Variants in UBE4B observed in about 807,000 individuals in gnomAD.
UBE4B encodes the protein ubiquitin conjugation factor E4 B.
In UBE4B, 27 loss-of-function variants were observed where a neutral mutation model predicts 148.1. The observed-to-expected ratio is 0.18, with a 90% confidence interval of 0.13 to 0.25. The LOEUF (loss-of-function observed/expected upper bound fraction) is 0.25. Ranked by LOEUF, UBE4B falls within the 10% of genes least tolerant of loss-of-function variation. The pLI, the probability that UBE4B is intolerant of heterozygous loss-of-function variation, is 1.00. For synonymous variants in UBE4B, 596 were observed against 619.3 expected (o/e 0.96, Z 0.56); for missense variants, 1,170 against 1,662.4 (o/e 0.70, Z 5.15).
Position 10,106,579 on chromosome 1 carries a change from C to T in UBE4B, c.1192C>T (p.Pro398Ser). Residue 398 changes from proline (P) to serine (S), a missense_variant, in exon 7 of 28, where the codon CCT becomes TCT. Transcript: ENST00000343090. The surrounding 1 kb of genome is among the most constrained non-coding windows in gnomAD (Gnocchi z 4.2). ...ACGCCCCTCCTCCCTGAGGATCTCT[C>T]CTAGGTATTTATCCCACAGGAGAGT... ...SRRPSSLRIS[P>S]SLGASGGASN... 7 of 1,552,044 alleles carry T rather than the reference C, an allele frequency of 4.5e-6. No individual in the cohort carries two copies. The highest frequency in any genetic ancestry group is 6.0e-6 in the Non-Finnish European group (7 of 1,157,408).
chr1:10,119,482 T>C lies in UBE4B; in HGVS notation c.1339-31T>C, dbSNP rs749165083. ...GCATGGAATTGTATTGTTTGTTTCT[T>C]GTCGTCCTCACTTCCACCTTTCCTT... On this transcript the variant is annotated intron_variant, in intron 8 of 27. Coordinates refer to ENST00000343090, the MANE Select transcript of UBE4B (RefSeq NM_001105562.3). 14 of 1,605,364 alleles carry C rather than the reference T, an allele frequency of 8.7e-6. No homozygotes were observed. In the South Asian group the frequency reaches 1.4e-4, roughly 16 times the overall value.
chr1:10,105,352 A>C (rs1357368900), intron 5 of UBE4B, among the ~76,000 whole-genome samples, 164 bp from the exon 6 acceptor site: 1 of 152,218 alleles, frequency 6.6e-6, no homozygotes, highest in Non-Finnish European at 1.5e-5. Context: ...CTACTAACTA[A>C]ACACAAGGCT....
intron 1 of UBE4B, among the ~76,000 whole-genome samples, chr1:10,035,825 G>C (rs950686024): frequency 2.0e-5 from 3 of 150,530 alleles, no homozygotes; most frequent in African/African-American, 7.3e-5. Context: ...TCACTGCAAA[G>C]CTCCGCTTCC....
At chr1:10,156,239 C>CTTTTTT (rs199801311) in intron 21 of UBE4B, among the ~76,000 whole-genome samples, 3 of 123,770 alleles carry the variant, frequency 2.4e-5, no homozygotes, top group Non-Finnish European at 5.1e-5. Flanking sequence ...ATTTTCTTTT[C>CTTTTTT]TTTTTTTTTT....
At chr1:10,167,064 G>T (rs539974370) in intron 23 of UBE4B, among the ~76,000 whole-genome samples, 1 of 151,750 alleles carries the variant, frequency 6.6e-6, no homozygotes, top group African/African-American at 2.4e-5. Flanking sequence ...CCTGGGAGGC[G>T]GAGGTTACAG....
At chr1:10,103,189 C>A in intron 5 of UBE4B, 97 bp downstream of exon 5, 2 of 1,323,416 alleles carry the variant, frequency 1.5e-6, no homozygotes, top group Non-Finnish European at 2.0e-6. Context: ...CTCCATCTTG[C>A]TCTTGGGTTG....
chr1:10,062,956 CAAAA>C (rs529503429), intron 1 of UBE4B, among the ~76,000 whole-genome samples: 1 of 82,570 alleles, frequency 1.2e-5, no homozygotes, highest in African/African-American at 4.9e-5. Flanking sequence ...AACTCCGTCT[CAAAA>C]AAAAAAAAAA....
intron 10 of UBE4B, among the ~76,000 whole-genome samples, chr1:10,123,861 C>T (rs1048263050): frequency 1.1e-4 from 17 of 152,172 alleles, no homozygotes; most frequent in African/African-American, 4.1e-4. Flanking sequence ...GCAACCTCCG[C>T]CTCCCGGGTT....
Position 10,048,268 on chromosome 1 carries a change from T to A in UBE4B, c.24+14574T>A, listed in dbSNP as rs189912674. Among the ~76,000 whole-genome samples the A allele has an allele frequency of 1.5e-3, 233 of 152,250 alleles. 1 individual carries two copies. The highest frequency in any genetic ancestry group is 5.4e-3 in the African/African-American group (225 of 41,550). On this transcript the variant is annotated intron_variant, in intron 1 of 27. Coordinates refer to ENST00000343090, the MANE Select transcript of UBE4B (RefSeq NM_001105562.3). ...GATGGGGAAAATTGAAAGAGAAGATTGGGAGGGAGACGTTATCATCTGGTT... is the reference window on the plus strand; with the variant it reads ...GATGGGGAAAATTGAAAGAGAAGATAGGGAGGGAGACGTTATCATCTGGTT...
rs957894090 is a variant in UBE4B at position 10,168,624 on chromosome 1, G to A, written c.3333+354G>A. 6.6e-6 allele frequency among the ~76,000 whole-genome samples: 1 copy of A among 151,998 alleles called. No individual in the cohort carries two copies. Among genetic ancestry groups the A allele is most frequent in the African/African-American group, 2.4e-5 (1 of 41,290 alleles). ...AAAAGCATAAGGTGCCGGGTGCGGT[G>A]GCTCACGCCTGTAATCCCAGCACTT... On this transcript the variant is annotated intron_variant, in intron 24 of 27. Transcript: ENST00000343090. This position sits in a 1 kb window ranked among gnomAD's most constrained non-coding sequence, Gnocchi z 4.9.
intron 2 of UBE4B, among the ~76,000 whole-genome samples, chr1:10,073,802 C>G (rs1399436625): frequency 6.6e-6 from 1 of 152,062 alleles, no homozygotes; most frequent in South Asian, 2.1e-4. Context: ...GCTGTTGCAC[C>G]ATGCTTCCCA....
intron 1 of UBE4B, among the ~76,000 whole-genome samples, chr1:10,044,994 C>T (rs761245495): frequency 6.6e-5 from 10 of 152,162 alleles, no homozygotes; most frequent in Non-Finnish European, 1.5e-4. Context: ...TGTAAGTAGA[C>T]GGTCCATCTA....
At chr1:10,047,096 A>G (rs947883798) in intron 1 of UBE4B, among the ~76,000 whole-genome samples, 1 of 152,114 alleles carries the variant, frequency 6.6e-6, no homozygotes, top group Non-Finnish European at 1.5e-5. Flanking sequence ...ATCCTACAGT[A>G]TCTGTGCCCA....
At chr1:10,050,426 T>C (rs1482092049) in intron 1 of UBE4B, among the ~76,000 whole-genome samples, 1 of 152,060 alleles carries the variant, frequency 6.6e-6, no homozygotes, top group Admixed American at 6.6e-5. Flanking sequence ...GACCCCAAGC[T>C]CTCCAAAACC....
At chr1:10,113,833 G>T (rs1165541952) in intron 7 of UBE4B, among the ~76,000 whole-genome samples, 1 of 152,116 alleles carries the variant, frequency 6.6e-6, no homozygotes, top group African/African-American at 2.4e-5. Context: ...TTGGGAGGCC[G>T]AAATGGGTAG....
Position 10,151,458 on chromosome 1 carries a change from C to T in UBE4B, c.2823C>T (p.Thr941=), listed in dbSNP as rs1050437502. 6.2e-7 allele frequency: 1 copy of T among 1,614,096 alleles called. No individual in the cohort carries two copies. The highest frequency in any genetic ancestry group is 8.5e-7 in the Non-Finnish European group (1 of 1,180,022). The stretch of plus-strand genomic sequence containing the variant: ...AACTGGTAGAAGTCATGTTTATGAC[C>T]AACCCTGCTGTTCAGCCACGAACCC... The part of the protein sequence containing the change: ...VAKLVEVMFM[T]NPAVQPRTQK... Residue 941 remains threonine, a synonymous_variant, in exon 21 of 28, where the codon ACC becomes ACT. Transcript: ENST00000343090.
chr1:10,062,055 G>A (rs1342537854), intron 1 of UBE4B, among the ~76,000 whole-genome samples: 1 of 150,888 alleles, frequency 6.6e-6, no homozygotes, highest in Non-Finnish European at 1.5e-5. Context: ...GATTACAGGC[G>A]GGCACCACCA....
At chr1:10,043,572 G>A (rs908782121) in intron 1 of UBE4B, among the ~76,000 whole-genome samples, 4 of 151,804 alleles carry the variant, frequency 2.6e-5, no homozygotes, top group South Asian at 2.1e-4. Context: ...GACTACAGGC[G>A]CCCACCACCA....
At chr1:10,096,980 A>G (rs767659841) in intron 3 of UBE4B, among the ~76,000 whole-genome samples, 3 of 151,830 alleles carry the variant, frequency 2.0e-5, no homozygotes, top group Admixed American at 2.0e-4. Context: ...TGTAGGCTAC[A>G]GTGAACTGAG....
Sources: allele counts gnomAD v4.1 joint callset (sites outside exome capture counted in the v4.1 genomes callset), GRCh38; gene constraint gnomAD v4.1.1; non-coding constraint Gnocchi (gnomAD v3.1); transcripts MANE v1.5; gene names NCBI Gene and HGNC (gene_info 2026-07-23, HGNC 2026-07-21).